Variants in ERCC8 observed in about 807,000 individuals in gnomAD.
ERCC8 encodes ERCC excision repair 8, CSA ubiquitin ligase complex subunit.
A neutral mutation model predicts 54.9 loss-of-function variants in ERCC8; 52 were observed. The ratio of observed to expected loss-of-function variants is 0.95; its 90% CI spans 0.76 to 1.19. ERCC8 has a LOEUF of 1.19. Ranked by LOEUF, ERCC8 falls within the 50% of genes most tolerant of loss-of-function variation. ERCC8 has a pLI of 0.00. For missense variants in ERCC8, 514 were observed against 466.1 expected (o/e 1.10, Z -0.95); for synonymous variants, 146 against 157.2 (o/e 0.93, Z 0.53).
At chr5:60,912,256 C>A (rs941562560) in intron 4 of ERCC8, among the ~76,000 whole-genome samples, 4 of 152,124 alleles carry the variant, frequency 2.6e-5, no homozygotes, top group African/African-American at 7.2e-5. Context: ...TTTGTGTCCT[C>A]TTTTATTTCA....
intron 11 of ERCC8, among the ~76,000 whole-genome samples, chr5:60,880,216 A>G (rs1410629761): frequency 2.0e-5 from 3 of 152,102 alleles, no homozygotes; most frequent in African/African-American, 7.2e-5. Context: ...TGGCTTGTAG[A>G]GTTTCTGCCA....
In ERCC8 at chr5:60,908,564, C is replaced by CAT. The variant is rs1554073813; in HGVS notation, c.400-3693_400-3692dup. Reference sequence around the variant, plus strand: ...AACCTGGGGGTCATTCATATAAATACATATATATATATATATATATTTTTT... The same window carrying CAT: ...AACCTGGGGGTCATTCATATAAATACATATATATATATATATATATATTTTTT... On this transcript the variant is annotated intron_variant, in intron 4 of 11. Transcript: ENST00000676185. Among the ~76,000 whole-genome samples, 685 of 144,012 alleles carry CAT rather than the reference C, an allele frequency of 4.8e-3. 3 individuals carry two copies. Among genetic ancestry groups the CAT allele is most frequent in the South Asian group, 7.5e-3 (34 of 4,524 alleles). 94.5% of individuals were successfully genotyped at this position (144,012 alleles called of 152,430 possible). A position where few individuals can be genotyped will look rare whatever the true frequency, so the allele number is the denominator to read the frequency against.
At position 60,871,864 on chromosome 5, in the gene ERCC8, G is replaced by A. The variant is rs986071938; in HGVS notation, c.*2751C>T. On this transcript the variant is annotated 3_prime_UTR_variant, in exon 12 of 12. Transcript: ENST00000676185. The stretch of plus-strand genomic sequence containing the variant: ...CACCCAGGCTGGAGTGTAGTGACAC[G>A]ATCTTGGCTCAATGCAGCCGTGACT... Among the ~76,000 whole-genome samples the A allele has an allele frequency of 5.3e-5, 8 of 152,050 alleles. No homozygotes were observed. The highest frequency in any genetic ancestry group is 1.9e-4 in the East Asian group (1 of 5,182).
rs1384506537 is a variant in ERCC8 at position 60,867,520 on chromosome 5, T to C, written c.*7095A>G. On this transcript the variant is annotated 3_prime_UTR_variant, in exon 12 of 12. Transcript: ENST00000676185. The stretch of plus-strand genomic sequence containing the variant: ...GTTATTCTAATAACTTTTTCCATAA[T>C]ACTCTGAATTTTGCATATATATGTA... Among the ~76,000 whole-genome samples, 1 of 152,246 alleles carries C rather than the reference T, an allele frequency of 6.6e-6. No homozygotes were observed. The highest frequency in any genetic ancestry group is 1.9e-4 in the East Asian group (1 of 5,198).
chr5:60,871,912 A>G lies in ERCC8; in HGVS notation c.*2703T>C, dbSNP rs976175628. Among the ~76,000 whole-genome samples the G allele has an allele frequency of 6.6e-6, 1 of 152,098 alleles. No homozygotes were observed. Among genetic ancestry groups the G allele is most frequent in the Non-Finnish European group, 1.5e-5 (1 of 68,018 alleles). ...ACTTTACAGGTTCAAGTGATTCCCC[A>G]GCCTGAGTCTCCCAAGTAGCTGGGA... On this transcript the variant is annotated 3_prime_UTR_variant, in exon 12 of 12. Transcript: ENST00000676185.
Position 60,869,131 on chromosome 5 carries a change from T to C in ERCC8, c.*5484A>G, listed in dbSNP as rs918489345. 3.3e-5 allele frequency among the ~76,000 whole-genome samples: 5 copies of C among 152,194 alleles called. No individual in the cohort carries two copies. The highest frequency in any genetic ancestry group is 2.6e-4 in the Admixed American group (4 of 15,274). ...CCAAAGTATTTGTTTATAAAAATTA[T>C]AGAATTCACAGAAACGTCTTTAGCT... On this transcript the variant is annotated 3_prime_UTR_variant, in exon 12 of 12. Transcript: ENST00000676185.
At chr5:60,897,084 G>A (rs975102462) in intron 9 of ERCC8, among the ~76,000 whole-genome samples, 5 of 152,160 alleles carry the variant, frequency 3.3e-5, no homozygotes, top group African/African-American at 7.2e-5. Context: ...TCTTCCTTGC[G>A]TATCCCAAGG....
At chr5:60,884,627 TG>T (rs1246516270) in intron 11 of ERCC8, among the ~76,000 whole-genome samples, 3 of 151,172 alleles carry the variant, frequency 2.0e-5, no homozygotes, top group African/African-American at 7.3e-5. Flanking sequence ...CTTTTAAACA[TG>T]GCTTAAATTA....
intron 4 of ERCC8, among the ~76,000 whole-genome samples, chr5:60,912,375 T>G (rs2112507632): frequency 6.6e-6 from 1 of 152,260 alleles, no homozygotes; most frequent in Non-Finnish European, 1.5e-5. Flanking sequence ...AGTTTACTCA[T>G]GATTTGGGTC....
chr5:60,936,096 A>G (rs191894011), intron 1 of ERCC8, among the ~76,000 whole-genome samples: 352 of 152,312 alleles, frequency 2.3e-3, no homozygotes, highest in Non-Finnish European at 3.4e-3. Context: ...TGTCAATAGG[A>G]TTGATACAAA....
chr5:60,898,550 T>G, intron 8 of ERCC8, 150 bp from the exon 9 acceptor site: 1 of 835,002 alleles, frequency 1.2e-6, no homozygotes, highest in East Asian at 2.7e-5. Context: ...TCAGATTATT[T>G]GAATAGGATA....
intron 3 of ERCC8, among the ~76,000 whole-genome samples, chr5:60,921,593 G>C (rs777964419): frequency 6.6e-6 from 1 of 151,840 alleles, no homozygotes; most frequent in African/African-American, 2.4e-5. Context: ...AGGGGTGAGT[G>C]GGTATATGTG....
intron 1 of ERCC8, among the ~76,000 whole-genome samples, chr5:60,931,693 T>C (rs1050463591): frequency 3.9e-5 from 6 of 152,340 alleles, no homozygotes; most frequent in Admixed American, 3.3e-4. Flanking sequence ...TTTTTTTTCA[T>C]ATTTTTCCAT....
chr5:60,879,417 A>G (rs1459408789), intron 11 of ERCC8, among the ~76,000 whole-genome samples: 2 of 151,990 alleles, frequency 1.3e-5, no homozygotes, highest in Non-Finnish European at 2.9e-5. Flanking sequence ...CAATTCCTGG[A>G]TATCCTTGTT....
At chr5:60,938,008 C>CAT (rs1554075732) in intron 1 of ERCC8, among the ~76,000 whole-genome samples, 13 of 124,102 alleles carry the variant, frequency 1.0e-4, no homozygotes, top group East Asian at 4.4e-4. Context: ...AATATGTATG[C>CAT]GTGTGTGTGT....
rs549472028 is a variant in ERCC8 at position 60,870,232 on chromosome 5, G to C, written c.*4383C>G. ...ACACAAACTCTCAAAGTATAGGACA[G>C]AAACAACAAAACAAGTAATTATTAA... On this transcript the variant is annotated 3_prime_UTR_variant, in exon 12 of 12. Coordinates refer to ENST00000676185, the MANE Select transcript of ERCC8 (RefSeq NM_000082.4). Among the ~76,000 whole-genome samples the C allele has an allele frequency of 6.6e-6, 1 of 152,056 alleles. No individual in the cohort carries two copies. The highest frequency in any genetic ancestry group is 1.9e-4 in the East Asian group (1 of 5,176).
intron 11 of ERCC8, among the ~76,000 whole-genome samples, chr5:60,874,909 CCT>C (rs561998652): frequency 9.5e-4 from 145 of 152,178 alleles, no homozygotes; most frequent in African/African-American, 3.3e-3. Context: ...ATCCAAACAC[CCT>C]GTTTCCTTTA....
intron 11 of ERCC8, 110 bp downstream of exon 11, chr5:60,887,330 G>A (rs1579991941): frequency 1.1e-6 from 1 of 905,692 alleles, no homozygotes; most frequent in South Asian, 1.4e-5. Context: ...GGGACTATAG[G>A]TGCATGCCAC....
intron 1 of ERCC8, 46 bp from the exon 2 acceptor site, chr5:60,929,005 T>C (rs1485692896): frequency 8.5e-7 from 1 of 1,176,668 alleles, no homozygotes; most frequent in African/African-American, 1.5e-5. Flanking sequence ...TAATTTAACA[T>C]TTAAAAATTT....
Sources: gnomAD v4.1 joint callset for allele counts (sites outside exome capture counted in the v4.1 genomes callset) on GRCh38, gnomAD v4.1.1 for gene constraint, MANE v1.5 for transcripts, NCBI Gene and HGNC (gene_info 2026-07-23, HGNC 2026-07-21) for gene names.